Variants in ANKRD28 observed in about 807,000 individuals in gnomAD.
ANKRD28 encodes the protein ankyrin repeat domain 28, also known as serine/threonine-protein phosphatase 6 regulatory ankyrin repeat subunit A.
A neutral mutation model predicts 126.5 loss-of-function variants in ANKRD28; 44 were observed. That is an observed-to-expected ratio of 0.35 (90% CI 0.27 to 0.45). ANKRD28 has a LOEUF of 0.45. Ranked by LOEUF, ANKRD28 falls within the 20% of genes least tolerant of loss-of-function variation. The pLI, the probability that ANKRD28 is intolerant of heterozygous loss-of-function variation, is 1.00. For synonymous variants in ANKRD28, 442 were observed against 468.5 expected (o/e 0.94, Z 0.73); for missense variants, 1,110 against 1,316.6 (o/e 0.84, Z 2.43).
At position 15,819,015 on chromosome 3, in the gene ANKRD28, C is replaced by T. The variant is rs567183776; in HGVS notation, c.28-23709G>A. 4.4e-4 allele frequency among the ~76,000 whole-genome samples: 67 copies of T among 152,262 alleles called. 5 individuals are homozygous for T. Among genetic ancestry groups the T allele is most frequent in the Admixed American group, 9.8e-4 (15 of 15,290 alleles). ...CAGTAAGGCCAGGCATATTGGCTCACGCCTATAATTCCAGTGCTTTGGGAG... is the reference window on the plus strand; with the variant it reads ...CAGTAAGGCCAGGCATATTGGCTCATGCCTATAATTCCAGTGCTTTGGGAG... On this transcript the variant is annotated intron_variant, in intron 1 of 27. Transcript: ENST00000399451.
intron 1 of ANKRD28, among the ~76,000 whole-genome samples, chr3:15,823,289 A>G (rs1003941175): frequency 6.6e-6 from 1 of 152,230 alleles, no homozygotes; most frequent in Non-Finnish European, 1.5e-5. Context: ...CTCAGGCAGT[A>G]ATGCTCCCTT....
chr3:15,806,435 A>C (rs1391122537), intron 1 of ANKRD28, among the ~76,000 whole-genome samples: 3 of 152,144 alleles, frequency 2.0e-5, no homozygotes, highest in Admixed American at 2.0e-4. Flanking sequence ...TTTCAACCCC[A>C]TATAGCTGAT....
At chr3:15,715,657 A>G (rs990444112) in intron 8 of ANKRD28, among the ~76,000 whole-genome samples, 2 of 152,180 alleles carry the variant, frequency 1.3e-5, no homozygotes, top group South Asian at 4.1e-4. Flanking sequence ...CAGATCTCCT[A>G]CTTACCACAA....
At chr3:15,800,952 G>A (rs1197681522), upstream of ANKRD28, among the ~76,000 whole-genome samples, 1 of 152,008 alleles carries the variant, frequency 6.6e-6, no homozygotes, top group Non-Finnish European at 1.5e-5. Flanking sequence ...ATCTTAAAAG[G>A]AGACAAGTGA....
At chr3:15,731,874 A>AAG (rs1553610861) in intron 6 of ANKRD28, 78 of 59,090 alleles carry the variant, frequency 1.3e-3, no homozygotes, top group Non-Finnish European at 1.8e-3. Flanking sequence ...AAAAAAAAAA[A>AAG]GGGGGGGGGG....
chr3:15,762,517 G>C (rs574561330), intron 3 of ANKRD28, among the ~76,000 whole-genome samples: 4 of 152,076 alleles, frequency 2.6e-5, no homozygotes, highest in African/African-American at 9.7e-5. Flanking sequence ...AGAGTATATA[G>C]AGTCTATTTT....
intron 2 of ANKRD28, among the ~76,000 whole-genome samples, chr3:15,783,016 C>T (rs911907969): frequency 1.3e-5 from 2 of 151,714 alleles, no homozygotes; most frequent in African/African-American, 4.8e-5. Flanking sequence ...AGCAAAACAA[C>T]ATGACAATGG....
intron 1 of ANKRD28, chr3:15,859,289 C>T: frequency 1.3e-6 from 2 of 1,489,156 alleles, no homozygotes; most frequent in Non-Finnish European, 1.8e-6. Flanking sequence ...CCCCGCCGAG[C>T]GGGCGTCCCA....
chr3:15,716,281 C>CTTT (rs373633047), intron 8 of ANKRD28, among the ~76,000 whole-genome samples: 8 of 113,664 alleles, frequency 7.0e-5, no homozygotes, highest in East Asian at 2.6e-4. Context: ...CGCACCTGGA[C>CTTT]TTTTTTTTTT....
At chr3:15,832,336 T>A (rs993339427) in intron 1 of ANKRD28, among the ~76,000 whole-genome samples, 1 of 152,240 alleles carries the variant, frequency 6.6e-6, no homozygotes, top group Non-Finnish European at 1.5e-5. Context: ...TACCTACATT[T>A]AAAATTCCTT....
intron 21 of ANKRD28, chr3:15,684,173 G>T (rs2067850871): frequency 6.6e-6 from 1 of 152,180 alleles, no homozygotes; most frequent in African/African-American, 2.4e-5. Flanking sequence ...AGTTTTCTAA[G>T]ATGATCAAAT....
intron 1 of ANKRD28, among the ~76,000 whole-genome samples, chr3:15,836,916 C>T (rs1020227169): frequency 5.3e-5 from 8 of 151,876 alleles, no homozygotes; most frequent in Non-Finnish European, 7.4e-5. Context: ...CTGGCTAACA[C>T]GGTGAAACCC....
At chr3:15,727,721 T>C (rs534904804) in intron 6 of ANKRD28, among the ~76,000 whole-genome samples, 16 of 152,222 alleles carry the variant, frequency 1.1e-4, no homozygotes, top group African/African-American at 2.9e-4. Flanking sequence ...AGGAAATAAC[T>C]ACAGATGTGG....
chr3:15,857,314 T>C (rs995302468), intron 1 of ANKRD28, among the ~76,000 whole-genome samples: 1 of 152,198 alleles, frequency 6.6e-6, no homozygotes, highest in African/African-American at 2.4e-5. Flanking sequence ...GGATGGAGTC[T>C]CGCTCTGTCG....
In ANKRD28 at chr3:15,814,038, C is replaced by T. The variant is rs751107637; in HGVS notation, c.28-18732G>A. Among the ~76,000 whole-genome samples, 10 of 152,146 alleles carry T rather than the reference C, an allele frequency of 6.6e-5. No homozygotes were observed. The highest frequency in any genetic ancestry group is 1.3e-4 in the Non-Finnish European group (9 of 68,022). ...CTGAAAATTTACTTGAATTATAAAACGGCTATACTAAGTCTTCCACTAACA... is the reference window on the plus strand; with the variant it reads ...CTGAAAATTTACTTGAATTATAAAATGGCTATACTAAGTCTTCCACTAACA... On this transcript the variant is annotated intron_variant, in intron 1 of 27. Coordinates refer to the ANKRD28 transcript ENST00000399451. The surrounding 1 kb of genome is among the most constrained non-coding windows in gnomAD (Gnocchi z 4.7).
At chr3:15,686,384 C>G in intron 18 of ANKRD28, 75 bp from the exon 19 acceptor site, 2 of 1,199,858 alleles carry the variant, frequency 1.7e-6, no homozygotes, top group South Asian at 2.7e-5. Flanking sequence ...AAAAGCACAT[C>G]TTCTAGAATT....
chr3:15,765,692 T>C (rs1196705317), intron 3 of ANKRD28, among the ~76,000 whole-genome samples: 2 of 151,912 alleles, frequency 1.3e-5, no homozygotes, highest in Non-Finnish European at 2.9e-5. Context: ...ATACAAAAAT[T>C]AGCTGGGTAT....
At chr3:15,829,939 T>TAA (rs35231161) in intron 1 of ANKRD28, among the ~76,000 whole-genome samples, 6 of 140,456 alleles carry the variant, frequency 4.3e-5, no homozygotes, top group Non-Finnish European at 7.8e-5. Context: ...GGTATTCTAT[T>TAA]AAAAAAAAAA....
At chr3:15,706,806 A>G (rs1024375234) in intron 14 of ANKRD28, among the ~76,000 whole-genome samples, 2 of 152,048 alleles carry the variant, frequency 1.3e-5, no homozygotes, top group African/African-American at 4.8e-5. Context: ...ATGGTATCTC[A>G]CTGTGGTTTT....
Sources: allele counts gnomAD v4.1 joint callset (sites outside exome capture counted in the v4.1 genomes callset), GRCh38; gene constraint gnomAD v4.1.1; non-coding constraint Gnocchi (gnomAD v3.1); transcripts MANE v1.5; gene names NCBI Gene and HGNC (gene_info 2026-07-23, HGNC 2026-07-21).